CDK8: variants seen among roughly 807,000 people sequenced by gnomAD.
The protein encoded by CDK8 is cyclin dependent kinase 8.
In CDK8, 29 loss-of-function variants were observed where a neutral mutation model predicts 71.5. The ratio of observed to expected loss-of-function variants is 0.41; its 90% CI spans 0.30 to 0.55. CDK8 has a LOEUF of 0.55. CDK8 is among the 20% of genes least tolerant of loss of function. The pLI is 0.37. For synonymous variants in CDK8, 161 were observed against 192.1 expected (o/e 0.84, Z 1.34); for missense variants, 288 against 572.6 (o/e 0.50, Z 5.07).
rs553508554 is a variant in CDK8 at position 26,361,784 on chromosome 13, C to CTTTTTTTTT, written c.456+7925_456+7933dup. 4.5e-3 allele frequency among the ~76,000 whole-genome samples: 282 copies of CTTTTTTTTT among 63,356 alleles called. 24 individuals are homozygous for CTTTTTTTTT. Among genetic ancestry groups the CTTTTTTTTT allele is most frequent in the African/African-American group, 9.9e-3 (141 of 14,238 alleles). The allele number at this position is 63,356 out of a possible 152,430, so 41.6% of individuals were successfully genotyped here. On this transcript the variant is annotated intron_variant, in intron 4 of 12. Transcript: ENST00000381527. ...TCTTTTTGTCTTTCTTTTCTTTTCC[C>CTTTTTTTTT]TTTTTTTTTTTTTTTTTTTTTTTTT...
chr13:26,274,682 C>A (rs1201467785), intron 1 of CDK8, among the ~76,000 whole-genome samples: 2 of 152,140 alleles, frequency 1.3e-5, no homozygotes, highest in Non-Finnish European at 2.9e-5. Context: ...CCGCCCGGCT[C>A]ATCCTCCCAA....
chr13:26,386,440 G>T (rs1472491104), intron 6 of CDK8, among the ~76,000 whole-genome samples: 1 of 152,096 alleles, frequency 6.6e-6, no homozygotes, highest in African/African-American at 2.4e-5. Flanking sequence ...CTCCAGGATG[G>T]TATTAAACCC....
At chr13:26,323,939 C>T (rs963174698) in intron 1 of CDK8, among the ~76,000 whole-genome samples, 4 of 152,132 alleles carry the variant, frequency 2.6e-5, no homozygotes, top group African/African-American at 9.7e-5. Context: ...AGGAAATACA[C>T]ATGCTGTACT....
intron 1 of CDK8, among the ~76,000 whole-genome samples, chr13:26,316,083 G>A (rs1373962371): frequency 1.3e-5 from 2 of 152,204 alleles, no homozygotes; most frequent in African/African-American, 4.8e-5. Context: ...AGGCAGCCAG[G>A]CACGTTGGAT....
chr13:26,259,543 G>T (rs1004283731), intron 1 of CDK8, among the ~76,000 whole-genome samples: 1 of 152,072 alleles, frequency 6.6e-6, no homozygotes, highest in African/African-American at 2.4e-5. Context: ...GTCCTGGAAC[G>T]CACCCCTTGT....
intron 1 of CDK8, among the ~76,000 whole-genome samples, chr13:26,329,406 A>G (rs1427918546): frequency 7.0e-6 from 1 of 142,946 alleles, no homozygotes; most frequent in Admixed American, 7.0e-5. Flanking sequence ...TATTTTGGAC[A>G]CTCTACATAC....
chr13:26,372,946 C>T (rs1320473351), intron 4 of CDK8, among the ~76,000 whole-genome samples: 1 of 152,194 alleles, frequency 6.6e-6, no homozygotes, highest in African/African-American at 2.4e-5. Context: ...TTTGCAACCA[C>T]ATTTCCTGCC....
rs185862964 is a variant in CDK8, at chr13:26,401,065, C to A, written c.1032-204C>A. 3.3e-5 allele frequency among the ~76,000 whole-genome samples: 5 copies of A among 152,254 alleles called. No individual in the cohort carries two copies. The East Asian group carries it at 9.7e-4, about 30-fold the overall frequency. On this transcript the variant is annotated intron_variant, in intron 10 of 12. Coordinates refer to ENST00000381527, the MANE Select transcript of CDK8 (RefSeq NM_001260.3). This position sits in a 1 kb window ranked among gnomAD's most constrained non-coding sequence, Gnocchi z 4.5. Reference sequence around the variant, plus strand: ...TCGATGATTATTGATCATTTGTATACAGCTCAAGCCCTCAAGTAGCCTGCT... The same window carrying A: ...TCGATGATTATTGATCATTTGTATAAAGCTCAAGCCCTCAAGTAGCCTGCT...
At chr13:26,263,310 T>C (rs1483205773) in intron 1 of CDK8, among the ~76,000 whole-genome samples, 4 of 151,946 alleles carry the variant, frequency 2.6e-5, no homozygotes, top group Non-Finnish European at 5.9e-5. Context: ...TAGTTTTTTA[T>C]ATTTTTAGTA....
At chr13:26,322,592 A>G (rs1007169524) in intron 1 of CDK8, among the ~76,000 whole-genome samples, 2 of 152,166 alleles carry the variant, frequency 1.3e-5, no homozygotes, top group African/African-American at 2.4e-5. Context: ...GAAACACTCT[A>G]CCTGTATCTG....
At chr13:26,328,927 ACTT>A (rs1314223114) in intron 1 of CDK8, among the ~76,000 whole-genome samples, 1 of 152,020 alleles carries the variant, frequency 6.6e-6, no homozygotes, top group Admixed American at 6.6e-5. Flanking sequence ...AGCCATTTCT[ACTT>A]CTAGCATATT....
intron 1 of CDK8, among the ~76,000 whole-genome samples, chr13:26,262,689 C>A (rs1270640498): frequency 6.6e-6 from 1 of 152,106 alleles, no homozygotes; most frequent in South Asian, 2.1e-4. Flanking sequence ...TGAAAATGAA[C>A]CCTTTAAAAT....
intron 1 of CDK8, among the ~76,000 whole-genome samples, chr13:26,316,402 G>T (rs543524118): frequency 1.4e-4 from 21 of 152,030 alleles, no homozygotes; most frequent in Non-Finnish European, 2.6e-4. Context: ...CAAGGAGATG[G>T]GTAGTTATCA....
chr13:26,387,736 A>G lies in CDK8; in HGVS notation c.646+2394A>G, dbSNP rs989746593. Among the ~76,000 whole-genome samples the G allele has an allele frequency of 2.2e-4, 33 of 152,294 alleles. 1 individual carries two copies. Among genetic ancestry groups the G allele is most frequent in the Admixed American group, 1.4e-3 (21 of 15,296 alleles). ...CTCTGAACTGTCTTGTCTGCCTTCC[A>G]TCTTCTAGGTCTCCACATGGCCAGT... is the stretch of plus-strand genomic sequence containing the variant. On this transcript the variant is annotated intron_variant, in intron 6 of 12. Coordinates refer to ENST00000381527, the MANE Select transcript of CDK8 (RefSeq NM_001260.3).
rs906859276 is a variant in CDK8 at position 26,322,862 on chromosome 13, C to G, written c.129-14705C>G. ...ACTGTCAAATATCTATGTAATTCAA[C>G]TGAAATTTTGTCGATTTTATATATC... On this transcript the variant is annotated intron_variant, in intron 1 of 12. Coordinates refer to ENST00000381527, the MANE Select transcript of CDK8 (RefSeq NM_001260.3). Among the ~76,000 whole-genome samples the G allele has an allele frequency of 1.4e-4, 21 of 152,088 alleles. 1 individual carries two copies. Among genetic ancestry groups the G allele is most frequent in the Admixed American group, 1.1e-3 (17 of 15,270 alleles).
At chr13:26,373,101 C>T (rs1481260691) in intron 4 of CDK8, among the ~76,000 whole-genome samples, 1 of 152,152 alleles carries the variant, frequency 6.6e-6, no homozygotes, top group Non-Finnish European at 1.5e-5. Context: ...ACGTAAGTAA[C>T]CCTTTCCTCT....
In CDK8 at chr13:26,401,637, T is replaced by C. The variant is rs768880123; in HGVS notation, c.1269+13T>C. The C allele has an allele frequency of 1.4e-5, 23 of 1,613,388 alleles. No homozygotes were observed. Among genetic ancestry groups the C allele is most frequent in the Non-Finnish European group, 1.6e-5 (19 of 1,179,460 alleles). ...CTCAGACTATCAGGTATTCCAAGTT[T>C]ATTTTGTATTGACTGCATGTCAGTG... is the stretch of plus-strand genomic sequence containing the variant. On this transcript the variant is annotated intron_variant, in intron 12 of 12. Coordinates refer to ENST00000381527, the MANE Select transcript of CDK8 (RefSeq NM_001260.3). The surrounding 1 kb of genome is among the most constrained non-coding windows in gnomAD (Gnocchi z 4.5).
intron 1 of CDK8, among the ~76,000 whole-genome samples, chr13:26,258,126 AG>A (rs1871609391): frequency 6.6e-6 from 1 of 152,134 alleles, no homozygotes; most frequent in African/African-American, 2.4e-5. Context: ...TCAGTTTTCC[AG>A]TTGAGGAAAC....
intron 1 of CDK8, among the ~76,000 whole-genome samples, chr13:26,318,558 C>T (rs1163749078): frequency 6.6e-6 from 1 of 152,162 alleles, no homozygotes; most frequent in Non-Finnish European, 1.5e-5. Flanking sequence ...CCAAATTCAA[C>T]AGCGTGTTAA....
Sources: allele counts gnomAD v4.1 joint callset (sites outside exome capture counted in the v4.1 genomes callset), GRCh38; gene constraint gnomAD v4.1.1; non-coding constraint Gnocchi (gnomAD v3.1); transcripts MANE v1.5; gene names NCBI Gene and HGNC (gene_info 2026-07-23, HGNC 2026-07-21).